ELK4: variants seen among roughly 807,000 people sequenced by gnomAD.
ELK4 encodes the protein ETS domain-containing protein Elk-4.
Under a neutral mutation model 29.6 loss-of-function variants are expected in ELK4, and 16 were observed. The ratio of observed to expected loss-of-function variants is 0.54; its 90% CI spans 0.37 to 0.82. The LOEUF (loss-of-function observed/expected upper bound fraction) is 0.82. Among genes scored for constraint, ELK4 ranks in the 40% least tolerant of loss-of-function variants. ELK4 has a pLI of 0.00. For synonymous variants in ELK4, 213 were observed against 191.1 expected, an observed-to-expected ratio of 1.11 and a Z score of -0.95; for missense variants, 465 against 507.1, an observed-to-expected ratio of 0.92 and a Z score of 0.80.
At chr1:205,631,382 G>A (rs1286804913) in intron 1 of ELK4, among the ~76,000 whole-genome samples, 3 of 141,854 alleles carry the variant, frequency 2.1e-5, no homozygotes, top group Non-Finnish European at 4.6e-5. Context: ...AAAAATCGCC[G>A]CCACCTTTCG....
In ELK4 at chr1:205,631,976, C is replaced by T. The variant is rs1670603973; in HGVS notation, c.-354G>A. 3 of 151,692 alleles carry T rather than the reference C, an allele frequency of 2.0e-5. No individual in the cohort carries two copies. Among genetic ancestry groups the T allele is most frequent in the Non-Finnish European group, 2.9e-5 (2 of 67,852 alleles). 9.4% of individuals were successfully genotyped at this position (151,692 alleles called of 1,614,324 possible). A position where few individuals can be genotyped will look rare whatever the true frequency, so the allele number is the denominator to read the frequency against. ...CTCCGCGGCCGCCGCCACTCTCAAA[C>T]CCCCCGACTGCTCCTGGGTCCCTCC... On this transcript the variant is annotated 5_prime_UTR_variant, in exon 1 of 5. Transcript: ENST00000357992.
intron 2 of ELK4, among the ~76,000 whole-genome samples, chr1:205,623,177 A>G (rs1388847196): frequency 6.8e-6 from 1 of 146,644 alleles, no homozygotes; most frequent in Non-Finnish European, 1.5e-5. Context: ...AAAAAAAAAG[A>G]AGAAGATTTG....
intron 4 of ELK4, among the ~76,000 whole-genome samples, chr1:205,617,871 G>A (rs1399943333): frequency 1.3e-5 from 2 of 151,880 alleles, no homozygotes; most frequent in Non-Finnish European, 2.9e-5. Context: ...ATTGCATTCT[G>A]GCCTGGACAA....
chr1:205,629,185 A>AAAAAAAG (rs1670527657), intron 1 of ELK4, among the ~76,000 whole-genome samples: 1 of 150,418 alleles, frequency 6.6e-6, no homozygotes, highest in Non-Finnish European at 1.5e-5. Context: ...AAAAAAAAAA[A>AAAAAAAG]AAAGAAAAGA....
rs565005509 is a variant in ELK4 at position 205,613,613 on chromosome 1, A to G, written c.*2933T>C. 6.1e-5 allele frequency: 11 copies of G among 180,060 alleles called. No individual in the cohort carries two copies. Among genetic ancestry groups the G allele is most frequent in the Non-Finnish European group, 1.1e-4 (9 of 84,348 alleles). The allele number at this position is 180,060 out of a possible 1,614,324, so 11.2% of individuals were successfully genotyped here. A position where few individuals can be genotyped will look rare whatever the true frequency, so the allele number is the denominator to read the frequency against. On this transcript the variant is annotated 3_prime_UTR_variant, in exon 5 of 5. Transcript: ENST00000357992. Reference sequence around the variant, plus strand: ...TTGATATAAAATTCTAATTTATATTAGAATTTTATTTATAATTTATATTTG... The same window carrying G: ...TTGATATAAAATTCTAATTTATATTGGAATTTTATTTATAATTTATATTTG...
chr1:205,631,228 T>C (rs1670578621), intron 1 of ELK4, among the ~76,000 whole-genome samples: 2 of 152,204 alleles, frequency 1.3e-5, no homozygotes, highest in Admixed American at 1.3e-4. Flanking sequence ...GACGGCCGCG[T>C]GTGCCCTACA....
intron 1 of ELK4, chr1:205,626,180 G>C: frequency 1.6e-6 from 1 of 619,542 alleles, no homozygotes; most frequent in Non-Finnish European, 3.1e-6. Context: ...CTGGAAGGGG[G>C]GTCTCATTCT....
chr1:205,619,383 A>T, intron 3 of ELK4: 5 of 1,064,014 alleles, frequency 4.7e-6, no homozygotes, highest in Non-Finnish European at 5.7e-6. Flanking sequence ...CCTCTTTTTA[A>T]GCCAACATTT....
chr1:205,623,230 C>CA (rs1181767861), intron 2 of ELK4, among the ~76,000 whole-genome samples: 1 of 151,214 alleles, frequency 6.6e-6, no homozygotes, highest in African/African-American at 2.4e-5. Flanking sequence ...ATCCTAATTC[C>CA]AAACTGCTGA....
intron 1 of ELK4, among the ~76,000 whole-genome samples, chr1:205,627,801 T>C (rs1241888380): frequency 6.6e-6 from 1 of 152,194 alleles, no homozygotes; most frequent in Non-Finnish European, 1.5e-5. Flanking sequence ...CTATAACTTT[T>C]CTGAAACACT....
rs1670167945 is a variant in ELK4, at chr1:205,612,545, T to G, written c.*4001A>C. On this transcript the variant is annotated 3_prime_UTR_variant, in exon 5 of 5. Transcript: ENST00000357992. ...TGTTCAATAACTCTTACTGATCAATTTGTGTGTTCAAAAAGGCTGGACACT... is the reference window on the plus strand; with the variant it reads ...TGTTCAATAACTCTTACTGATCAATGTGTGTGTTCAAAAAGGCTGGACACT... 4.7e-6 allele frequency: 1 copy of G among 213,330 alleles called. No individual in the cohort carries two copies. The highest frequency in any genetic ancestry group is 1.9e-4 in the South Asian group (1 of 5,376). The allele number at this position is 213,330 out of a possible 1,614,324, so 13.2% of individuals were successfully genotyped here. A position where few individuals can be genotyped will look rare whatever the true frequency, so the allele number is the denominator to read the frequency against.
At chr1:205,621,505 T>C (rs1218202851) in intron 2 of ELK4, among the ~76,000 whole-genome samples, 2 of 152,042 alleles carry the variant, frequency 1.3e-5, no homozygotes, top group African/African-American at 4.8e-5. Context: ...ACATCCTGAG[T>C]AAGCAAAAAG....
chr1:205,625,431 G>A (rs948713287), intron 1 of ELK4: 7 of 541,798 alleles, frequency 1.3e-5, no homozygotes, highest in African/African-American at 5.7e-5. Context: ...CCCACCTCCC[G>A]GCTCCCCCAG....
chr1:205,615,117 T>C lies in ELK4; in HGVS notation c.*1429A>G, dbSNP rs917862164. The C allele has an allele frequency of 2.2e-5, 4 of 180,530 alleles. No individual in the cohort carries two copies. Among genetic ancestry groups the C allele is most frequent in the African/African-American group, 9.5e-5 (4 of 41,894 alleles). 11.2% of individuals were successfully genotyped at this position (180,530 alleles called of 1,614,324 possible). A position where few individuals can be genotyped will look rare whatever the true frequency, so the allele number is the denominator to read the frequency against. ...TCTTCCCCATTTAAAAAAAAAAAGT[T>C]GAAAGAAATAAGCACATCTGAGCCT... On this transcript the variant is annotated 3_prime_UTR_variant, in exon 5 of 5. Transcript: ENST00000357992.
chr1:205,617,880 A>G (rs1471236733), intron 4 of ELK4, among the ~76,000 whole-genome samples: 1 of 152,070 alleles, frequency 6.6e-6, no homozygotes, highest in Non-Finnish European at 1.5e-5. Flanking sequence ...TGGCCTGGAC[A>G]ACAAGAGCAA....
At position 205,623,878 on chromosome 1, in the gene ELK4, T is replaced by C. The variant is rs751194905; in HGVS notation, c.5A>G (p.Asp2Gly). MDSAITLWQFLL... is the reference protein window; with the variant it reads MGSAITLWQFLL... The stretch of plus-strand genomic sequence containing the variant: ...GAACTGCCACAGGGTGATAGCACTG[T>C]CCATAGCAATGAGCTGAAAGAATAT... The change falls in exon 2 of 5, where the codon GAC becomes GGC. Residue 2 changes from aspartate (D) to glycine (G), a missense_variant. Physicochemically the swap from Asp to Gly is moderately conservative, Grantham distance 94. Around this residue, in one of 2 missense-constraint regions of ELK4, gnomAD observed 385 missense variants for 387.5 expected, o/e 0.99. Coordinates refer to ENST00000357992, the MANE Select transcript of ELK4 (RefSeq NM_001973.4). 1.9e-6 allele frequency: 3 copies of C among 1,614,106 alleles called. No individual in the cohort carries two copies. Among genetic ancestry groups the C allele is most frequent in the Non-Finnish European group, 2.5e-6 (3 of 1,179,978 alleles).
chr1:205,616,542 T>C lies in ELK4; in HGVS notation c.*4A>G, dbSNP rs778326997. 7.4e-6 allele frequency: 12 copies of C among 1,613,364 alleles called. No homozygotes were observed. Among genetic ancestry groups the C allele is most frequent in the African/African-American group, 2.7e-5 (2 of 74,920 alleles). On this transcript the variant is annotated 3_prime_UTR_variant, in exon 5 of 5. Transcript: ENST00000357992. ...TCGGTTCTCTCATTCCACAAGTGCA[T>C]AGGTTATGTCTTCTGTAGGTCTGGG...
rs559737131 is a variant in ELK4 at position 205,627,744 on chromosome 1, C to A, written c.-9-3853G>T. On this transcript the variant is annotated intron_variant, in intron 1 of 4. Coordinates refer to ENST00000357992, the MANE Select transcript of ELK4 (RefSeq NM_001973.4). ...TCTTAAGGGTCAACTATACCTACTT[C>A]CAAAAAGGGCAGAGATAAGAAACTG... Among the ~76,000 whole-genome samples, 22 of 152,244 alleles carry A rather than the reference C, an allele frequency of 1.4e-4. No homozygotes were observed. The South Asian group carries it at 4.6e-3, about 32-fold the overall frequency.
At chr1:205,618,273 T>A (rs1370748746) in intron 4 of ELK4, among the ~76,000 whole-genome samples, 1 of 151,978 alleles carries the variant, frequency 6.6e-6, no homozygotes, top group East Asian at 1.9e-4. Context: ...TCAAGCAATC[T>A]TCCTGCCTCG....
Sources: gnomAD v4.1 joint callset for allele counts (sites outside exome capture counted in the v4.1 genomes callset) on GRCh38, gnomAD v4.1.1 for gene constraint, gnomAD v4.1.1 regional missense constraint, MANE v1.5 for transcripts, NCBI Gene and HGNC (gene_info 2026-07-23, HGNC 2026-07-21) for gene names.